Variants in CRACD observed in about 807,000 individuals in gnomAD.
The protein encoded by CRACD is capping protein-inhibiting regulator of actin dynamics.
Under a neutral mutation model 106.8 loss-of-function variants are expected in CRACD, and 56 were observed. That is an observed-to-expected ratio of 0.52 (90% CI 0.42 to 0.66). The LOEUF (loss-of-function observed/expected upper bound fraction) is 0.66, where lower values mean the gene tolerates loss of function less well. Among genes scored for constraint, CRACD ranks in the 30% least tolerant of loss-of-function variants. The probability of loss-of-function intolerance (pLI) is 0.00; values close to 1 mark genes in which losing one functional copy is unlikely to be tolerated. For synonymous variants in CRACD, 754 were observed against 670.8 expected (o/e 1.12, Z -1.92); for missense variants, 1,730 against 1,623.2 (o/e 1.07, Z -1.13).
chr4:56,069,734 A>C (rs2899053), intron 1 of CRACD, among the ~76,000 whole-genome samples: 4,447 of 152,294 alleles, frequency 0.029, 85 homozygotes, highest in Admixed American at 0.061. Context: ...GCAATAGAAG[A>C]AGGCTGCCAG....
intron 2 of CRACD, among the ~76,000 whole-genome samples, chr4:56,221,867 A>G (rs1161333012): frequency 1.3e-5 from 2 of 152,204 alleles, no homozygotes; most frequent in South Asian, 2.1e-4. Context: ...CAGAATGGCT[A>G]TTATTAAAAA....
chr4:56,084,158 A>G (rs1733136062), intron 1 of CRACD, among the ~76,000 whole-genome samples: 1 of 152,332 alleles, frequency 6.6e-6, no homozygotes, highest in Non-Finnish European at 1.5e-5. Context: ...CCAAAAGACC[A>G]GTGAAACTCT....
chr4:56,262,025 G>C (rs1449475739), intron 2 of CRACD, among the ~76,000 whole-genome samples: 2 of 152,164 alleles, frequency 1.3e-5, no homozygotes, highest in African/African-American at 4.8e-5. Flanking sequence ...GTACTAAAAA[G>C]AGTCACATAC....
Position 56,315,701 on chromosome 4 carries a change from G to A in CRACD, c.2199G>A (p.Thr733=), listed in dbSNP as rs748347157. 1.4e-5 allele frequency: 22 copies of A among 1,614,174 alleles called. No homozygotes were observed. The East Asian group carries it at 3.1e-4, about 23-fold the overall frequency. The change falls in exon 8 of 11, where the codon ACG becomes ACA. Residue 733 remains threonine (T), a synonymous_variant. Transcript: ENST00000682029. This position sits in a 1 kb window ranked among gnomAD's most constrained non-coding sequence, Gnocchi z 4.1. The stretch of plus-strand genomic sequence containing the variant: ...GGCAGAAATTTTCCGATGGTGGCAC[G>A]GAGACCTCCAAACAGAGCACGGAAG... The part of the protein sequence containing the change: ...PAWQKFSDGG[T]ETSKQSTEAE...
intron 4 of CRACD, among the ~76,000 whole-genome samples, chr4:56,302,458 G>A (rs758224863): frequency 5.3e-5 from 8 of 152,118 alleles, no homozygotes; most frequent in Non-Finnish European, 1.0e-4. Flanking sequence ...CGGATTATCT[G>A]GTGTAGGAGG....
chr4:56,223,572 A>G (rs771133282), intron 2 of CRACD, among the ~76,000 whole-genome samples: 27 of 152,056 alleles, frequency 1.8e-4, no homozygotes, highest in Admixed American at 1.4e-3. Flanking sequence ...TTTCTTTTCC[A>G]GTTGGCTGTC....
intron 1 of CRACD, among the ~76,000 whole-genome samples, chr4:56,131,022 A>G (rs1030201620): frequency 1.3e-5 from 2 of 152,238 alleles, no homozygotes; most frequent in Non-Finnish European, 2.9e-5. Flanking sequence ...TTATAAGCAG[A>G]AAATAAAACA....
chr4:56,165,406 A>G (rs1049143785), intron 1 of CRACD, among the ~76,000 whole-genome samples: 2 of 152,178 alleles, frequency 1.3e-5, no homozygotes, highest in Non-Finnish European at 2.9e-5. Flanking sequence ...GACTCATTCA[A>G]TCCAGGAAAC....
At chr4:56,218,512 C>CTTT in intron 2 of CRACD, among the ~76,000 whole-genome samples, 1 of 130,534 alleles carries the variant, frequency 7.7e-6, no homozygotes, top group Non-Finnish European at 1.6e-5. Context: ...CTTCCCCTCC[C>CTTT]CTCCCCTCCC....
At chr4:56,261,601 C>T (rs1467499893) in intron 2 of CRACD, among the ~76,000 whole-genome samples, 1 of 152,132 alleles carries the variant, frequency 6.6e-6, no homozygotes, top group Non-Finnish European at 1.5e-5. Flanking sequence ...CTGCCTACCT[C>T]AGCCTCCCAA....
At chr4:56,243,421 T>A (rs1385632552) in intron 2 of CRACD, among the ~76,000 whole-genome samples, 1 of 152,180 alleles carries the variant, frequency 6.6e-6, no homozygotes, top group Admixed American at 6.5e-5. Flanking sequence ...GTAAGGAATG[T>A]TAGAAGAGAG....
At chr4:56,290,586 G>A (rs1012607645) in intron 3 of CRACD, among the ~76,000 whole-genome samples, 1 of 152,186 alleles carries the variant, frequency 6.6e-6, no homozygotes, top group Non-Finnish European at 1.5e-5. Flanking sequence ...AAGTAGAGGG[G>A]CAAGTCCAAA....
At chr4:56,192,389 C>A (rs527389378) in intron 2 of CRACD, among the ~76,000 whole-genome samples, 12 of 149,334 alleles carry the variant, frequency 8.0e-5, no homozygotes, top group African/African-American at 2.9e-4. Context: ...AGCAAGACTC[C>A]ATCTCAAAAA....
At chr4:56,088,716 T>C (rs1733315477) in intron 1 of CRACD, among the ~76,000 whole-genome samples, 1 of 151,566 alleles carries the variant, frequency 6.6e-6, no homozygotes, top group Admixed American at 6.6e-5. Flanking sequence ...TTGAACAAAT[T>C]ATATACTGTA....
intron 4 of CRACD, among the ~76,000 whole-genome samples, chr4:56,298,599 C>T (rs1334538630): frequency 6.6e-6 from 1 of 152,180 alleles, no homozygotes; most frequent in South Asian, 2.1e-4. Flanking sequence ...ATTGTTCCCT[C>T]ATATTTTACT....
Position 56,257,263 on chromosome 4 carries a change from G to T in CRACD, c.-188-15058G>T, listed in dbSNP as rs201960420. Among the ~76,000 whole-genome samples, 9 of 151,942 alleles carry T rather than the reference G, an allele frequency of 5.9e-5. No individual in the cohort carries two copies. In the East Asian group the frequency reaches 1.6e-3, roughly 26 times the overall value. On this transcript the variant is annotated intron_variant, in intron 2 of 10. Coordinates refer to ENST00000682029, the MANE Select transcript of CRACD (RefSeq NM_001393381.1). ...TGCCTGGCTAATTCTTATATTTTTAGTAGAAATGAGGTTTTGCCATACTGG... is the reference window on the plus strand; with the variant it reads ...TGCCTGGCTAATTCTTATATTTTTATTAGAAATGAGGTTTTGCCATACTGG...
intron 2 of CRACD, among the ~76,000 whole-genome samples, chr4:56,193,111 A>C (rs1175894052): frequency 2.0e-5 from 3 of 152,214 alleles, no homozygotes; most frequent in Admixed American, 6.5e-5. Context: ...GTGGAAGACA[A>C]AGGAAGAGCA....
chr4:56,309,010 G>T (rs1744948859), intron 5 of CRACD: 2 of 669,602 alleles, frequency 3.0e-6, no homozygotes, highest in Admixed American at 2.3e-5. Context: ...TAATGAGAGG[G>T]TGTAACAAAC....
In CRACD at chr4:56,310,719, T is replaced by G; in HGVS notation, c.339T>G (p.Ser113Arg). The change falls in exon 6 of 11, where the codon AGT becomes AGG. Residue 113 changes from serine to arginine, a missense_variant. Ser to Arg is a moderately radical substitution (Grantham distance 110). This residue lies in a region of CRACD where 1,620 missense variants were observed against 1,481.6 expected (regional missense o/e 1.09). Transcript: ENST00000682029. ...LSPLNLPGAGSEMEEKVAPVK... is the reference protein window; with the variant it reads ...LSPLNLPGAGREMEEKVAPVK... The stretch of plus-strand genomic sequence containing the variant: ...CTCTGAATCTCCCTGGAGCTGGAAG[T>G]GAGATGGAAGAGAAGGTAATATGAT... The G allele has an allele frequency of 6.2e-7, 1 of 1,607,896 alleles. No homozygotes were observed. Among genetic ancestry groups the G allele is most frequent in the African/African-American group, 1.3e-5 (1 of 74,808 alleles).
Sources: gnomAD v4.1 joint callset for allele counts (sites outside exome capture counted in the v4.1 genomes callset) on GRCh38, gnomAD v4.1.1 for gene constraint, gnomAD v4.1.1 regional missense constraint, Gnocchi (gnomAD v3.1) non-coding constraint, MANE v1.5 for transcripts, NCBI Gene and HGNC (gene_info 2026-07-23, HGNC 2026-07-21) for gene names.